DCDC1: variants seen among roughly 807,000 people sequenced by gnomAD.
DCDC1 encodes the protein doublecortin domain containing 1.
A neutral mutation model predicts 178.3 loss-of-function variants in DCDC1; 200 were observed. The observed-to-expected ratio is 1.12, with a 90% CI of 1.00 to 1.26. The LOEUF is 1.26. DCDC1 is among the 50% of genes most tolerant of loss of function. The pLI is 0.00. For missense variants in DCDC1, 1,983 were observed against 1,749.2 expected, an observed-to-expected ratio of 1.13 and a Z score of -2.38; for synonymous variants, 690 against 604.8, an observed-to-expected ratio of 1.14 and a Z score of -2.07.
intron 20 of DCDC1, among the ~76,000 whole-genome samples, chr11:31,039,931 T>C (rs1219085266): frequency 1.3e-5 from 2 of 152,158 alleles, no homozygotes; most frequent in Non-Finnish European, 2.9e-5. Flanking sequence ...TGTTTATTTT[T>C]ATTGAGGTGG....
chr11:31,357,177 T>A (rs967434326), intron 1 of DCDC1, among the ~76,000 whole-genome samples: 3 of 151,900 alleles, frequency 2.0e-5, no homozygotes, highest in African/African-American at 4.8e-5. Flanking sequence ...ACATTGATGC[T>A]AAAATCCTCA....
chr11:31,224,506 T>A (rs1006145778), intron 9 of DCDC1, among the ~76,000 whole-genome samples: 4 of 151,860 alleles, frequency 2.6e-5, no homozygotes, highest in Non-Finnish European at 5.9e-5. Flanking sequence ...AATAAATAAA[T>A]AGGATCTAAT....
intron 37 of DCDC1, among the ~76,000 whole-genome samples, chr11:30,880,343 A>C (rs567627590): frequency 1.2e-3 from 185 of 152,234 alleles, no homozygotes; most frequent in Non-Finnish European, 1.7e-3. Context: ...CCGTCTCCCT[A>C]CTTTTTGGTC....
intron 8 of DCDC1, among the ~76,000 whole-genome samples, chr11:31,253,672 C>T (rs1591549656): frequency 6.6e-6 from 1 of 152,222 alleles, no homozygotes; most frequent in Admixed American, 6.5e-5. Flanking sequence ...ACTCAGAGAG[C>T]CCACCTAAGC....
At chr11:30,928,210 C>G (rs1946711251) in intron 22 of DCDC1, among the ~76,000 whole-genome samples, 1 of 152,078 alleles carries the variant, frequency 6.6e-6, no homozygotes, top group Admixed American at 6.6e-5. Context: ...TTCTTCTCCT[C>G]TATGTAGTCT....
chr11:31,096,449 A>G (rs1958157963), intron 15 of DCDC1, among the ~76,000 whole-genome samples: 1 of 152,212 alleles, frequency 6.6e-6, no homozygotes, highest in South Asian at 2.1e-4. Flanking sequence ...AGAACCATAC[A>G]GCCAACTGCT....
At chr11:31,030,986 T>C (rs982402822) in intron 20 of DCDC1, among the ~76,000 whole-genome samples, 30 of 152,132 alleles carry the variant, frequency 2.0e-4, no homozygotes, top group Non-Finnish European at 1.5e-4. Flanking sequence ...TTATAATACA[T>C]ATTGACCTCG....
Position 30,864,938 on chromosome 11 carries a change from GT to G in DCDC1, c.*434del, listed in dbSNP as rs1297880286. On this transcript the variant is annotated 3_prime_UTR_variant, in exon 39 of 39. Coordinates refer to ENST00000684477, the MANE Select transcript of DCDC1 (RefSeq NM_001387274.1). ...AAAATAGGCCCATTGAAAAAACTGA[GT>G]TATTTTGAAGGATAAATTTATTTTT... is the stretch of plus-strand genomic sequence containing the variant. 1 of 152,156 alleles carries G rather than the reference GT, an allele frequency of 6.6e-6. No individual in the cohort carries two copies. Among genetic ancestry groups the G allele is most frequent in the African/African-American group, 2.4e-5 (1 of 41,440 alleles). The allele number at this position is 152,156 out of a possible 1,614,324, so 9.4% of individuals were successfully genotyped here.
At chr11:30,917,584 G>A (rs1041112258) in intron 25 of DCDC1, among the ~76,000 whole-genome samples, 5 of 152,166 alleles carry the variant, frequency 3.3e-5, no homozygotes, top group African/African-American at 9.7e-5. Flanking sequence ...AATAGTCATA[G>A]TTTGAATAAT....
chr11:31,037,136 G>A (rs1954092685), intron 20 of DCDC1, among the ~76,000 whole-genome samples: 1 of 152,116 alleles, frequency 6.6e-6, no homozygotes, highest in African/African-American at 2.4e-5. Context: ...GTAGAGAGTG[G>A]GAATGCTTAC....
chr11:30,965,789 C>T (rs1157075438), intron 20 of DCDC1, among the ~76,000 whole-genome samples: 2 of 133,260 alleles, frequency 1.5e-5, no homozygotes, highest in Admixed American at 8.0e-5. Flanking sequence ...GTGTGATATT[C>T]CCCTTCCTGT....
At chr11:31,346,171 C>T (rs762968438) in intron 1 of DCDC1, among the ~76,000 whole-genome samples, 19 of 152,068 alleles carry the variant, frequency 1.2e-4, no homozygotes, top group Non-Finnish European at 2.2e-4. Context: ...TGTTAAAAGA[C>T]ATGGCAGAGA....
At chr11:31,023,570 T>A (rs1203160101) in intron 20 of DCDC1, among the ~76,000 whole-genome samples, 1 of 152,014 alleles carries the variant, frequency 6.6e-6, no homozygotes, top group Non-Finnish European at 1.5e-5. Context: ...AAATATCTAA[T>A]CTAGAAACAT....
Position 30,905,110 on chromosome 11 carries a change from G to C in DCDC1, c.4159C>G (p.Leu1387Val). 6.2e-7 allele frequency: 1 copy of C among 1,613,282 alleles called. No homozygotes were observed. The highest frequency in any genetic ancestry group is 8.5e-7 in the Non-Finnish European group (1 of 1,179,518). ...EKTLSYYQAR[L>V]LSLRMKTCTQ... is the part of the protein sequence containing the mutation. ...CAGGTCTTCATCCGTAAAGACAATA[G>C]ACGTGCTTGGTAGTAACTTAGAGTT... Residue 1387 changes from leucine to valine, a missense_variant, in exon 31 of 39, where the codon CTA becomes GTA. Coordinates refer to ENST00000684477, the MANE Select transcript of DCDC1 (RefSeq NM_001387274.1).
At chr11:31,015,957 T>TA (rs1310779213) in intron 20 of DCDC1, among the ~76,000 whole-genome samples, 1 of 152,138 alleles carries the variant, frequency 6.6e-6, no homozygotes, top group Non-Finnish European at 1.5e-5. Context: ...AATGATACCA[T>TA]AAAAAATACA....
intron 36 of DCDC1, chr11:30,882,678 C>A (rs1052921660): frequency 6.6e-6 from 1 of 152,008 alleles, no homozygotes; most frequent in Non-Finnish European, 1.5e-5. Flanking sequence ...AGAGAACTAA[C>A]CTATTCTGTC....
chr11:31,048,943 C>A (rs1565220447), intron 20 of DCDC1, among the ~76,000 whole-genome samples: 3 of 152,046 alleles, frequency 2.0e-5, no homozygotes, highest in Non-Finnish European at 4.4e-5. Flanking sequence ...AACAATTATT[C>A]TTAACTTATT....
At chr11:31,306,173 A>G in intron 5 of DCDC1, 59 bp downstream of exon 5, 8 of 1,353,212 alleles carry the variant, frequency 5.9e-6, no homozygotes, top group Non-Finnish European at 6.8e-6. Context: ...CATTTTTTAT[A>G]TTATAAAGAG....
chr11:31,290,750 A>G lies in DCDC1; in HGVS notation c.857T>C (p.Met286Thr), dbSNP rs1360083054. The change falls in exon 7 of 39, where the codon ATG (methionine) becomes ACG (threonine). Residue 286 changes from methionine to threonine, a missense_variant. Transcript: ENST00000684477. ...TGAGGTCCTCTCAGTAAGTTTCTTC[A>G]TTCTAATAGAAAGAACAGGCTTGGT... ...RKTKPVLSIR[M>T]KKLTERTSVR... 1.2e-6 allele frequency: 2 copies of G among 1,613,492 alleles called. No individual in the cohort carries two copies. Among genetic ancestry groups the G allele is most frequent in the Non-Finnish European group, 1.7e-6 (2 of 1,179,582 alleles).
Sources: gnomAD v4.1 joint callset for allele counts (sites outside exome capture counted in the v4.1 genomes callset) on GRCh38, gnomAD v4.1.1 for gene constraint, MANE v1.5 for transcripts, NCBI Gene and HGNC (gene_info 2026-07-23, HGNC 2026-07-21) for gene names.